Variants in GLUD1 observed in about 807,000 individuals in gnomAD.
GLUD1 encodes the protein glutamate dehydrogenase 1, mitochondrial.
Under a neutral mutation model 56.0 loss-of-function variants are expected in GLUD1, and 22 were observed. The observed-to-expected ratio is 0.39, with a 90% confidence interval of 0.28 to 0.56. GLUD1 has a LOEUF of 0.56. Among genes scored for constraint, GLUD1 ranks in the 20% least tolerant of loss-of-function variants. The pLI, the probability that GLUD1 is intolerant of heterozygous loss-of-function variation, is 0.58. For synonymous variants in GLUD1, 223 were observed against 269.9 expected, an observed-to-expected ratio of 0.83 and a Z score of 1.70; for missense variants, 451 against 732.0, an observed-to-expected ratio of 0.62 and a Z score of 4.43.
chr10:87,093,444 T>C (rs1841585384), intron 1 of GLUD1, among the ~76,000 whole-genome samples: 1 of 152,238 alleles, frequency 6.6e-6, no homozygotes, highest in Admixed American at 6.5e-5. Context: ...GCAATCTGAC[T>C]ACAGAGGCCA....
chr10:87,062,033 T>G (rs1367779656), intron 6 of GLUD1, among the ~76,000 whole-genome samples: 2 of 152,152 alleles, frequency 1.3e-5, no homozygotes, highest in Admixed American at 1.3e-4. Flanking sequence ...CTGCCCACCT[T>G]GGCCTCCCAA....
intron 1 of GLUD1, among the ~76,000 whole-genome samples, chr10:87,080,112 A>AT (rs1343620063): frequency 3.3e-5 from 5 of 151,320 alleles, no homozygotes; most frequent in African/African-American, 4.9e-5. Flanking sequence ...TGGTTTTCGT[A>AT]TTTTTTTGGT....
At chr10:87,085,343 G>A (rs1841356226) in intron 1 of GLUD1, among the ~76,000 whole-genome samples, 3 of 104,550 alleles carry the variant, frequency 2.9e-5, no homozygotes, top group Admixed American at 2.2e-4. Flanking sequence ...GTGAGACTCC[G>A]TCTCCAAAAA....
chr10:87,084,078 A>T (rs1449276053), intron 1 of GLUD1, among the ~76,000 whole-genome samples: 1 of 152,250 alleles, frequency 6.6e-6, no homozygotes. Flanking sequence ...TGACAAAGTA[A>T]TCTGTGCACT....
rs187562223 is a variant in GLUD1, at chr10:87,076,640, A to G, written c.462T>C (p.Thr154=). The change falls in exon 2 of 13, where the codon ACT becomes ACC. Residue 154 remains threonine, a synonymous_variant. Transcript: ENST00000277865. ...CTTTTACTTCATCTACACTCACATC[A>G]GTGCTGTAACGGATACCTGGTGGTG... ...TPCKGGIRYS[T]DVSVDEVKAL... is the part of the protein sequence containing the mutation. 1.1e-5 allele frequency: 17 copies of G among 1,602,826 alleles called. No individual in the cohort carries two copies. The East Asian group carries it at 3.6e-4, about 34-fold the overall frequency.
At chr10:87,054,190 C>A (rs9420430) in intron 11 of GLUD1, among the ~76,000 whole-genome samples, 14,261 of 152,164 alleles carry the variant, frequency 0.094, 1,502 homozygotes, top group East Asian at 0.59. Context: ...TGAGTACATA[C>A]TCTTCCAGGT....
chr10:87,093,461 C>T (rs564552010), intron 1 of GLUD1, among the ~76,000 whole-genome samples: 1 of 152,338 alleles, frequency 6.6e-6, no homozygotes, highest in African/African-American at 2.4e-5. Context: ...GCCAAATCTA[C>T]AGACATTAAA....
At chr10:87,081,314 G>A (rs1841244507) in intron 1 of GLUD1, among the ~76,000 whole-genome samples, 2 of 149,862 alleles carry the variant, frequency 1.3e-5, no homozygotes, top group Admixed American at 1.3e-4. Flanking sequence ...CCCCGTCCGG[G>A]AGGGAGGTGG....
chr10:87,080,537 G>A (rs373250972), intron 1 of GLUD1, among the ~76,000 whole-genome samples: 4 of 151,524 alleles, frequency 2.6e-5, no homozygotes, highest in Non-Finnish European at 4.4e-5. Context: ...AGTGAGGAGC[G>A]TCTCTGCCCG....
chr10:87,071,379 G>A (rs1465653498), intron 4 of GLUD1, among the ~76,000 whole-genome samples: 1 of 151,628 alleles, frequency 6.6e-6, no homozygotes, highest in Non-Finnish European at 1.5e-5. Flanking sequence ...TAGAGACGGG[G>A]TTTTACCATG....
intron 1 of GLUD1, among the ~76,000 whole-genome samples, chr10:87,093,512 A>T (rs1043493716): frequency 2.0e-5 from 3 of 152,218 alleles, no homozygotes; most frequent in African/African-American, 7.2e-5. Context: ...ACCAAACATT[A>T]TCTGACCCCT....
intron 5 of GLUD1, among the ~76,000 whole-genome samples, chr10:87,065,360 G>A (rs943590560): frequency 5.4e-5 from 8 of 148,030 alleles, no homozygotes; most frequent in African/African-American, 9.9e-5. Flanking sequence ...ACCTGCTTCC[G>A]CCTCCCAAAG....
chr10:87,094,279 C>G lies in GLUD1; in HGVS notation c.445+46G>C. The G allele has an allele frequency of 6.4e-7, 1 of 1,554,280 alleles. No individual in the cohort carries two copies. The highest frequency in any genetic ancestry group is 8.7e-7 in the Non-Finnish European group (1 of 1,149,286). On this transcript the variant is annotated intron_variant, in intron 1 of 12. Coordinates refer to ENST00000277865, the MANE Select transcript of GLUD1 (RefSeq NM_005271.5). This position sits in a 1 kb window ranked among gnomAD's most constrained non-coding sequence, Gnocchi z 6.6. ...CCGGCAGGAGGCCGGAGGGGAGGGC[C>G]GCAGGGGAGGCAGGGAGGGCGGGAC...
chr10:87,056,024 G>A (rs1845762108), intron 11 of GLUD1, among the ~76,000 whole-genome samples: 1 of 143,400 alleles, frequency 7.0e-6, no homozygotes, highest in African/African-American at 2.5e-5. Context: ...GCTAAGGCAG[G>A]AGAATTGCTT....
chr10:87,080,471 G>A (rs1195816533), intron 1 of GLUD1, among the ~76,000 whole-genome samples: 6 of 150,978 alleles, frequency 4.0e-5, no homozygotes, highest in Non-Finnish European at 7.4e-5. Context: ...CTGCCCTGCC[G>A]CCATCCCATC....
intron 1 of GLUD1, among the ~76,000 whole-genome samples, chr10:87,077,539 T>G (rs1222718361): frequency 6.7e-6 from 1 of 150,092 alleles, no homozygotes; most frequent in African/African-American, 2.5e-5. Flanking sequence ...AGAGGGCAGG[T>G]AGCCAAGCAG....
chr10:87,085,348 C>CA (rs10655872), intron 1 of GLUD1, among the ~76,000 whole-genome samples: 24,773 of 112,444 alleles, frequency 0.22, 2,579 homozygotes, highest in African/African-American at 0.3. Context: ...ACTCCGTCTC[C>CA]AAAAAAAAAA....
chr10:87,056,542 G>T (rs1038170223), intron 11 of GLUD1, among the ~76,000 whole-genome samples: 10 of 152,122 alleles, frequency 6.6e-5, no homozygotes, highest in African/African-American at 2.4e-4. Context: ...TGAGCCACCT[G>T]CCTTGGCCTC....
At chr10:87,078,572 A>C (rs1272841214) in intron 1 of GLUD1, among the ~76,000 whole-genome samples, 1 of 152,214 alleles carries the variant, frequency 6.6e-6, no homozygotes, top group East Asian at 1.9e-4. Flanking sequence ...TATATTAGGC[A>C]CTCAAATACA....
Sources: gnomAD v4.1 joint callset for allele counts (sites outside exome capture counted in the v4.1 genomes callset) on GRCh38, gnomAD v4.1.1 for gene constraint, Gnocchi (gnomAD v3.1) non-coding constraint, MANE v1.5 for transcripts, NCBI Gene and HGNC (gene_info 2026-07-23, HGNC 2026-07-21) for gene names.